Variants in ELF4 observed in about 807,000 individuals in gnomAD.
ELF4 encodes the protein E74 like ETS transcription factor 4.
A neutral mutation model predicts 31.7 loss-of-function variants in ELF4; 10 were observed. That is an observed-to-expected ratio of 0.32 (90% CI 0.19 to 0.54). The LOEUF (loss-of-function observed/expected upper bound fraction) is 0.54. Ranked by LOEUF, ELF4 falls within the 20% of genes least tolerant of loss-of-function variation. The pLI, the probability that ELF4 is intolerant of heterozygous loss-of-function variation, is 0.95. For missense variants in ELF4, 418 were observed against 522.0 expected (o/e 0.80, Z 1.94); for synonymous variants, 208 against 226.7 (o/e 0.92, Z 0.74).
In ELF4 at chrX:130,066,944, T is replaced by C; in HGVS notation, c.1769A>G (p.Asn590Ser). 1 of 1,211,938 alleles carries C rather than the reference T, an allele frequency of 8.3e-7. No individual in the cohort carries two copies. The highest frequency in any genetic ancestry group is 1.1e-6 in the Non-Finnish European group (1 of 895,510). ...AGTCTGGTTGCCCAGAAGGCTCGGA[T>C]TGTGGGAACCCCTGGAAACCACCTG... ...PTQVVSRGSH[N>S]PSLLGNQTLS... The change falls in exon 9 of 9, where the codon AAT becomes AGT. Residue 590 changes from asparagine (N) to serine (S), a missense_variant. Physicochemically the swap from Asn to Ser is conservative, Grantham distance 46. Transcript: ENST00000308167.
chrX:130,095,292 G>A (rs1933130351), intron 1 of ELF4, among the ~76,000 whole-genome samples: 1 of 112,240 alleles, frequency 8.9e-6, no homozygotes, highest in African/African-American at 3.2e-5. Context: ...TTTGTTTTCA[G>A]TGAAATCTGC....
chrX:130,074,033 T>A lies in ELF4; in HGVS notation c.340+16A>T. ...ATTTTGTTGCCTTGAGTTCAGGCAC[T>A]GGGGTTCAAACTTACAGATCTGCTT... On this transcript the variant is annotated intron_variant, in intron 4 of 8. Coordinates refer to ENST00000308167, the MANE Select transcript of ELF4 (RefSeq NM_001421.4). The A allele has an allele frequency of 8.3e-7, 1 of 1,206,612 alleles. No individual in the cohort carries two copies. The highest frequency in any genetic ancestry group is 1.7e-5 in the African/African-American group (1 of 57,792).
chrX:130,076,234 C>CCATATA (rs1932833564), intron 2 of ELF4, among the ~76,000 whole-genome samples: 1 of 110,684 alleles, frequency 9.0e-6, no homozygotes, highest in Non-Finnish European at 1.9e-5. Context: ...TAAAAAAACT[C>CCATATA]CATATAGAGG....
rs747020742 is a variant in ELF4, at chrX:130,101,319, T to G, written c.-210+9006A>C. The stretch of plus-strand genomic sequence containing the variant: ...TCTATAAAATGATGTATGAGGCAGA[T>G]AGTCATGGATTTATTAACCAAAAAT... On this transcript the variant is annotated intron_variant, in intron 1 of 8. Transcript: ENST00000308167. Among the ~76,000 whole-genome samples the G allele has an allele frequency of 4.4e-5, 5 of 112,507 alleles. No individual in the cohort carries two copies. In the South Asian group the frequency reaches 1.8e-3, roughly 41 times the overall value.
intron 4 of ELF4, among the ~76,000 whole-genome samples, chrX:130,073,575 G>A (rs1932807183): frequency 8.9e-6 from 1 of 111,811 alleles, no homozygotes; most frequent in South Asian, 3.7e-4. Flanking sequence ...GCAATGGTGC[G>A]ATCTCGGCTA....
chrX:130,103,768 G>C (rs1273758680), intron 1 of ELF4, among the ~76,000 whole-genome samples: 1 of 112,507 alleles, frequency 8.9e-6, no homozygotes, highest in Non-Finnish European at 1.9e-5. Context: ...AAGGGACTGA[G>C]TGGAGTGCTT....
In ELF4 at chrX:130,066,843, G is replaced by C. The variant is rs1190452731; in HGVS notation, c.1870C>G (p.Leu624Val). ...GTCACACTAGGCTCAGCCATCAGCA[G>C]GGACCCTGAGCCTGAGGAGAGCTCA... is the stretch of plus-strand genomic sequence containing the variant. ...ELELSSGSGS[L>V]LMAEPSVTTS... is the part of the protein sequence containing the mutation. The change falls in exon 9 of 9, where the codon CTG becomes GTG. Residue 624 changes from leucine (L) to valine (V), a missense_variant. Around this residue, in one of 4 missense-constraint regions of ELF4, gnomAD observed 260 missense variants for 269.2 expected, o/e 0.97. Coordinates refer to ENST00000308167, the MANE Select transcript of ELF4 (RefSeq NM_001421.4). 1 of 1,210,804 alleles carries C rather than the reference G, an allele frequency of 8.3e-7. No individual in the cohort carries two copies. The highest frequency in any genetic ancestry group is 2.2e-5 in the Admixed American group (1 of 46,033).
chrX:130,078,059 T>G (rs1487774331), intron 2 of ELF4, among the ~76,000 whole-genome samples: 1 of 109,616 alleles, frequency 9.1e-6, no homozygotes, highest in Non-Finnish European at 1.9e-5. Flanking sequence ...TCTTTTTTTT[T>G]TTTGGAGACA....
At chrX:130,109,088 G>T in intron 1 of ELF4, among the ~76,000 whole-genome samples, 1 of 112,716 alleles carries the variant, frequency 8.9e-6, no homozygotes, top group South Asian at 3.6e-4. Flanking sequence ...TGTGTTCCCC[G>T]GGCATTTTCA....
chrX:130,092,312 G>C (rs893421007), intron 1 of ELF4, among the ~76,000 whole-genome samples: 1 of 113,231 alleles, frequency 8.8e-6, no homozygotes, highest in African/African-American at 3.2e-5. Context: ...TTCGGGGCCT[G>C]CTGGCCCTCC....
At chrX:130,069,783 G>C in intron 7 of ELF4, 106 bp from the exon 8 acceptor site, 1 of 1,107,861 alleles carries the variant, frequency 9.0e-7, no homozygotes, top group Non-Finnish European at 1.2e-6. Flanking sequence ...CAAGCATGAG[G>C]CTGAGTGAGG....
At chrX:130,091,727 C>T (rs930680098) in intron 1 of ELF4, among the ~76,000 whole-genome samples, 2 of 111,792 alleles carry the variant, frequency 1.8e-5, no homozygotes, top group Non-Finnish European at 3.8e-5. Flanking sequence ...GACGTGAGTT[C>T]TGCCCATGAT....
At chrX:130,097,842 C>A (rs1933177853) in intron 1 of ELF4, among the ~76,000 whole-genome samples, 1 of 113,043 alleles carries the variant, frequency 8.8e-6, no homozygotes, top group Admixed American at 9.2e-5. Flanking sequence ...TTGATGGCCA[C>A]CAGCCTAGCC....
At chrX:130,098,211 G>A (rs192135419) in intron 1 of ELF4, among the ~76,000 whole-genome samples, 2 of 111,872 alleles carry the variant, frequency 1.8e-5, no homozygotes, top group Admixed American at 1.9e-4. Flanking sequence ...AATATTCATA[G>A]TGCTTTATGC....
intron 1 of ELF4, among the ~76,000 whole-genome samples, chrX:130,093,901 T>A (rs5977208): frequency 0.096 from 10,739 of 111,802 alleles, 434 homozygotes; most frequent in East Asian, 0.21. Context: ...TATTCTTGTA[T>A]CTTTGGCCAA....
At chrX:130,111,415 A>AT (rs1933488371), upstream of ELF4, among the ~76,000 whole-genome samples, 1 of 112,650 alleles carries the variant, frequency 8.9e-6, no homozygotes, top group Admixed American at 9.2e-5. Context: ...GCTCCACATT[A>AT]TTGAGCTCCT....
At chrX:130,070,815 G>GAAAAAGGAAAA (rs1170690464) in intron 7 of ELF4, among the ~76,000 whole-genome samples, 1 of 92,729 alleles carries the variant, frequency 1.1e-5, no homozygotes, top group Non-Finnish European at 2.1e-5. Flanking sequence ...AAGAAAGAAA[G>GAAAAAGGAAAA]AAAAAGGAAA....
chrX:130,098,766 G>A (rs1469818842), intron 1 of ELF4, among the ~76,000 whole-genome samples: 1 of 112,218 alleles, frequency 8.9e-6, no homozygotes, highest in African/African-American at 3.2e-5. Context: ...AAATGAAGAT[G>A]CTGAGGGTGA....
At chrX:130,102,853 TGAGAGAGAGAGAGA>T (rs748191970) in intron 1 of ELF4, among the ~76,000 whole-genome samples, 3 of 58,487 alleles carry the variant, frequency 5.1e-5, no homozygotes, top group South Asian at 1.1e-3. Flanking sequence ...AAGATAAAGA[TGAGAGAGAGAGAGA>T]GAGAGAGAGA....
Sources: gnomAD v4.1 joint callset for allele counts (sites outside exome capture counted in the v4.1 genomes callset) on GRCh38, gnomAD v4.1.1 for gene constraint, gnomAD v4.1.1 regional missense constraint, MANE v1.5 for transcripts, NCBI Gene and HGNC (gene_info 2026-07-23, HGNC 2026-07-21) for gene names.